Variants in INPP5A observed in about 807,000 individuals in gnomAD.
INPP5A encodes the protein inositol polyphosphate-5-phosphatase A.
INPP5A carries 14 observed loss-of-function variants against 65.2 expected under a neutral mutation model. That is an observed-to-expected ratio of 0.21 (90% confidence interval 0.14 to 0.34). The LOEUF (loss-of-function observed/expected upper bound fraction) is 0.34, where lower values mean the gene tolerates loss of function less well. INPP5A is among the 10% of genes least tolerant of loss of function. The probability of loss-of-function intolerance (pLI) is 1.00; values close to 1 mark genes in which losing one functional copy is unlikely to be tolerated. For synonymous variants in INPP5A, 207 were observed against 208.3 expected (o/e 0.99, Z 0.05); for missense variants, 431 against 545.6 (o/e 0.79, Z 2.09).
At chr10:132,554,159 A>G (rs2071093282) in intron 1 of INPP5A, among the ~76,000 whole-genome samples, 2 of 152,196 alleles carry the variant, frequency 1.3e-5, no homozygotes, top group Non-Finnish European at 2.9e-5. Flanking sequence ...TTGGTTAAAT[A>G]TTTATTCAGA....
intron 1 of INPP5A, among the ~76,000 whole-genome samples, chr10:132,556,296 C>T (rs187609122): frequency 6.6e-6 from 1 of 152,274 alleles, no homozygotes; most frequent in African/African-American, 2.4e-5. Flanking sequence ...AGAATGCATC[C>T]ACAGACCCAC....
At chr10:132,598,493 A>G (rs2492772) in intron 1 of INPP5A, among the ~76,000 whole-genome samples, 35,165 of 152,132 alleles carry the variant, frequency 0.23, 4,842 homozygotes, top group East Asian at 0.46. Flanking sequence ...GCGATCATAC[A>G]TTCTTTGTCT....
Position 132,624,342 on chromosome 10 carries a change from A to C in INPP5A, c.117+16386A>C, listed in dbSNP as rs113054898. ...GCCTGGGGTCTTTGAAGGAGTTTGA[A>C]GTGTGAGCTCGCTGTTTTGGCTGTG... On this transcript the variant is annotated intron_variant, in intron 2 of 15. Transcript: ENST00000368594. Among the ~76,000 whole-genome samples, 1,237 of 152,322 alleles carry C rather than the reference A, an allele frequency of 8.1e-3. 14 individuals are homozygous for C. The highest frequency in any genetic ancestry group is 0.029 in the African/African-American group (1,186 of 41,580).
intron 9 of INPP5A, among the ~76,000 whole-genome samples, chr10:132,739,718 G>A (rs148153800): frequency 4.6e-5 from 7 of 152,318 alleles, no homozygotes; most frequent in East Asian, 1.9e-4. Context: ...TGGAGCCTCC[G>A]GGAGTTAATT....
Position 132,675,417 on chromosome 10 carries a change from G to A in INPP5A, c.307-14975G>A, listed in dbSNP as rs1466687609. On this transcript the variant is annotated intron_variant, in intron 4 of 15. Transcript: ENST00000368594. This position sits in a 1 kb window ranked among gnomAD's most constrained non-coding sequence, Gnocchi z 4.2. Reference sequence around the variant, plus strand: ...GAAAATGATCTCATATGAAGTCAGAGAGGAGAAAGGAATGAGACTCAAGGC... The same window carrying A: ...GAAAATGATCTCATATGAAGTCAGAAAGGAGAAAGGAATGAGACTCAAGGC... Among the ~76,000 whole-genome samples, 1 of 152,230 alleles carries A rather than the reference G, an allele frequency of 6.6e-6. No homozygotes were observed. The highest frequency in any genetic ancestry group is 1.5e-5 in the Non-Finnish European group (1 of 68,044).
Position 132,650,583 on chromosome 10 carries a change from G to A in INPP5A, c.306+78G>A, listed in dbSNP as rs1163362128. 15 of 1,048,176 alleles carry A rather than the reference G, an allele frequency of 1.4e-5. 1 individual carries two copies. Among genetic ancestry groups the A allele is most frequent in the Non-Finnish European group, 2.2e-5 (15 of 677,288 alleles). 64.9% of individuals were successfully genotyped at this position (1,048,176 alleles called of 1,614,324 possible). Reference sequence around the variant, plus strand: ...AAGCCAGCCCTTCTCCTGTGTAAATGGAGAGAGGTCGGGGTGCTCCCTGCC... The same window carrying A: ...AAGCCAGCCCTTCTCCTGTGTAAATAGAGAGAGGTCGGGGTGCTCCCTGCC... On this transcript the variant is annotated intron_variant, in intron 4 of 15. Coordinates refer to ENST00000368594, the MANE Select transcript of INPP5A (RefSeq NM_005539.5). The surrounding 1 kb of genome is among the most constrained non-coding windows in gnomAD (Gnocchi z 5.5).
intron 4 of INPP5A, among the ~76,000 whole-genome samples, chr10:132,668,968 G>A (rs149504302): frequency 0.022 from 3,285 of 152,226 alleles, 48 homozygotes; most frequent in South Asian, 0.035. Context: ...AGAAACAGCC[G>A]GTGAGGCCGG....
intron 3 of INPP5A, among the ~76,000 whole-genome samples, chr10:132,649,324 C>T (rs1057212543): frequency 3.9e-5 from 6 of 152,254 alleles, no homozygotes; most frequent in Non-Finnish European, 8.8e-5. Flanking sequence ...TTTCAGCTCA[C>T]TCCGTCATTT....
intron 1 of INPP5A, among the ~76,000 whole-genome samples, chr10:132,589,877 C>T (rs2071595893): frequency 6.6e-6 from 1 of 152,106 alleles, no homozygotes; most frequent in African/African-American, 2.4e-5. Flanking sequence ...TGCCAGGGAG[C>T]CCACAGCCTC....
At chr10:132,716,320 G>A (rs149153475) in intron 8 of INPP5A, among the ~76,000 whole-genome samples, 173 of 152,344 alleles carry the variant, frequency 1.1e-3, no homozygotes, top group Non-Finnish European at 2.2e-3. Flanking sequence ...ACACAGGCAC[G>A]GATGTTTCTG....
chr10:132,544,671 C>T lies in INPP5A; in HGVS notation c.75+6500C>T, dbSNP rs900646556. ...CTCCTTACCTTAGACAGCATCATTT[C>T]GGGTCGGTCCTTGATTTTTAGACTT... On this transcript the variant is annotated intron_variant, in intron 1 of 15. Transcript: ENST00000368594. 3.9e-5 allele frequency among the ~76,000 whole-genome samples: 6 copies of T among 152,192 alleles called. No individual in the cohort carries two copies. In the Middle Eastern group the frequency reaches 0.01, roughly 259 times the overall value.
At position 132,698,008 on chromosome 10, in the gene INPP5A, C is replaced by G. The variant is rs551382319; in HGVS notation, c.474+89C>G. 1.5e-4 allele frequency: 119 copies of G among 811,504 alleles called. No homozygotes were observed. The highest frequency in any genetic ancestry group is 2.4e-4 in the Non-Finnish European group (112 of 473,468). 50.3% of individuals were successfully genotyped at this position (811,504 alleles called of 1,614,324 possible). A position where few individuals can be genotyped will look rare whatever the true frequency, so the allele number is the denominator to read the frequency against. On this transcript the variant is annotated intron_variant, in intron 6 of 15. Transcript: ENST00000368594. The surrounding 1 kb of genome is among the most constrained non-coding windows in gnomAD (Gnocchi z 5.5). ...TGGAACACGGAATTTTCGCATTGCA[C>G]TGTTACTAGTCACAGCTGCCTGTTG...
chr10:132,731,855 C>T (rs1173283767), intron 9 of INPP5A, among the ~76,000 whole-genome samples: 3 of 152,352 alleles, frequency 2.0e-5, no homozygotes, highest in Non-Finnish European at 4.4e-5. Flanking sequence ...CGTGGGAAAT[C>T]CAGGTTCTGT....
At chr10:132,739,241 A>C (rs1846231301) in intron 9 of INPP5A, among the ~76,000 whole-genome samples, 1 of 151,734 alleles carries the variant, frequency 6.6e-6, no homozygotes, top group Non-Finnish European at 1.5e-5. Flanking sequence ...TCCTGGCTTC[A>C]CTGGGGGCTG....
At chr10:132,660,099 T>A (rs919296847) in intron 4 of INPP5A, among the ~76,000 whole-genome samples, 8 of 152,258 alleles carry the variant, frequency 5.3e-5, no homozygotes, top group Admixed American at 2.0e-4. Flanking sequence ...CACGGCACAT[T>A]ATAATGATGT....
rs1048284694 is a variant in INPP5A, at chr10:132,555,446, G to C, written c.75+17275G>C. Among the ~76,000 whole-genome samples, 1 of 152,058 alleles carries C rather than the reference G, an allele frequency of 6.6e-6. No homozygotes were observed. Among genetic ancestry groups the C allele is most frequent in the African/African-American group, 2.4e-5 (1 of 41,390 alleles). On this transcript the variant is annotated intron_variant, in intron 1 of 15. Transcript: ENST00000368594. This position sits in a 1 kb window ranked among gnomAD's most constrained non-coding sequence, Gnocchi z 4.4. ...CGGAAGGGGAAGAAGGGGGGCTTGG[G>C]CTGGGGCGTGGCCACGCTGGGAGGA...
At chr10:132,685,084 C>T (rs1027803595) in intron 4 of INPP5A, among the ~76,000 whole-genome samples, 5 of 152,104 alleles carry the variant, frequency 3.3e-5, no homozygotes, top group Admixed American at 6.5e-5. Context: ...GAGGTGAAAA[C>T]GCTTTATCTG....
intron 1 of INPP5A, among the ~76,000 whole-genome samples, chr10:132,559,194 G>C (rs1288044992): frequency 6.6e-6 from 1 of 152,232 alleles, no homozygotes; most frequent in Non-Finnish European, 1.5e-5. Flanking sequence ...GGGGCCGTCG[G>C]TGGCTTCGGA....
At position 132,741,641 on chromosome 10, in the gene INPP5A, C is replaced by T. The variant is rs570220275; in HGVS notation, c.733-7876C>T. ...TCGTCACACCCAGAACAGGATACCC[C>T]GGAATGAAGGTGGACGTTGGTATCC... On this transcript the variant is annotated intron_variant, in intron 9 of 15. Transcript: ENST00000368594. The surrounding 1 kb of genome is among the most constrained non-coding windows in gnomAD (Gnocchi z 4.4). Among the ~76,000 whole-genome samples, 1 of 152,290 alleles carries T rather than the reference C, an allele frequency of 6.6e-6. No individual in the cohort carries two copies. The highest frequency in any genetic ancestry group is 2.4e-5 in the African/African-American group (1 of 41,548).
Sources: allele counts gnomAD v4.1 joint callset (sites outside exome capture counted in the v4.1 genomes callset), GRCh38; gene constraint gnomAD v4.1.1; non-coding constraint Gnocchi (gnomAD v3.1); transcripts MANE v1.5; gene names NCBI Gene and HGNC (gene_info 2026-07-23, HGNC 2026-07-21).